NSRP1: variants seen among roughly 807,000 people sequenced by gnomAD.
NSRP1 encodes coiled-coil domain containing 55.
In NSRP1, 24 loss-of-function variants were observed where a neutral mutation model predicts 54.7. The ratio of observed to expected loss-of-function variants is 0.44; its 90% CI spans 0.32 to 0.62. The LOEUF (loss-of-function observed/expected upper bound fraction) is 0.62, where lower values mean the gene tolerates loss of function less well. Ranked by LOEUF, NSRP1 falls within the 20% of genes least tolerant of loss-of-function variation. The pLI, the probability that NSRP1 is intolerant of heterozygous loss-of-function variation, is 0.06. For missense variants in NSRP1, 596 were observed against 651.2 expected, an observed-to-expected ratio of 0.92 and a Z score of 0.92; for synonymous variants, 210 against 213.8, an observed-to-expected ratio of 0.98 and a Z score of 0.15.
At chr17:30,178,881 G>T (rs980638706) in intron 4 of NSRP1, among the ~76,000 whole-genome samples, 1 of 151,570 alleles carries the variant, frequency 6.6e-6, no homozygotes, top group Non-Finnish European at 1.5e-5. Flanking sequence ...AAGTTAAATC[G>T]CATTATAAAC....
chr17:30,185,284 AAAT>A lies in NSRP1; in HGVS notation c.1291_1293del (p.Asn431del), dbSNP rs1007098205. The A allele has an allele frequency of 3.7e-6, 6 of 1,603,382 alleles. No individual in the cohort carries two copies. The African/African-American group carries it at 6.8e-5, about 18-fold the overall frequency. Reference sequence around the variant, plus strand: ...TGAAAGTAAGGAAGGAAAGATATGAAAATAATGATAAATACAGAGATAGAGAAA... The same window carrying A: ...TGAAAGTAAGGAAGGAAAGATATGAAAATGATAAATACAGAGATAGAGAAA... On this transcript the variant is annotated inframe_deletion, in exon 7 of 7. Transcript: ENST00000247026.
At chr17:30,141,426 C>T (rs2071804069) in intron 2 of NSRP1, among the ~76,000 whole-genome samples, 1 of 152,016 alleles carries the variant, frequency 6.6e-6, no homozygotes, top group Non-Finnish European at 1.5e-5. Flanking sequence ...AAATATTTGG[C>T]CTTTTTCCTC....
intron 2 of NSRP1, among the ~76,000 whole-genome samples, chr17:30,169,261 C>T: frequency 6.6e-6 from 1 of 152,054 alleles, no homozygotes; most frequent in South Asian, 2.1e-4. Context: ...GAGAATCTTC[C>T]ATAACAACCA....
chr17:30,152,903 C>CTTTT (rs60246615), intron 2 of NSRP1, among the ~76,000 whole-genome samples: 23 of 46,922 alleles, frequency 4.9e-4, no homozygotes, highest in African/African-American at 8.3e-4. Context: ...TTATTTTCAG[C>CTTTT]TTTTTTTTTT....
chr17:30,171,142 T>A (rs538849344), intron 2 of NSRP1, among the ~76,000 whole-genome samples: 68 of 152,236 alleles, frequency 4.5e-4, no homozygotes, highest in African/African-American at 1.6e-3. Flanking sequence ...TTGCATTCTT[T>A]TACATTTTTA....
At position 30,159,985 on chromosome 17, in the gene NSRP1, G is replaced by C. The variant is rs1597612411; in HGVS notation, c.115-12557G>C. ...CCAAGGTATGTTTTTTCTGTGCCTA[G>C]TTTGTTGAACATTTTTATCATGAAG... On this transcript the variant is annotated intron_variant, in intron 2 of 6. Transcript: ENST00000247026. Among the ~76,000 whole-genome samples the C allele has an allele frequency of 2.6e-5, 4 of 152,152 alleles. No homozygotes were observed. In the South Asian group the frequency reaches 8.3e-4, roughly 32 times the overall value.
intron 2 of NSRP1, among the ~76,000 whole-genome samples, chr17:30,127,412 A>C (rs2071659933): frequency 6.6e-6 from 1 of 152,150 alleles, no homozygotes; most frequent in East Asian, 1.9e-4. Flanking sequence ...ATAGAATCTG[A>C]AAATTGTTGC....
intron 2 of NSRP1, among the ~76,000 whole-genome samples, chr17:30,138,639 T>C (rs531594491): frequency 5.3e-4 from 80 of 152,058 alleles, no homozygotes; most frequent in Non-Finnish European, 8.2e-4. Context: ...TGGATCCACA[T>C]AGATGGAACC....
At chr17:30,164,770 C>A (rs1904668959) in intron 2 of NSRP1, among the ~76,000 whole-genome samples, 1 of 152,096 alleles carries the variant, frequency 6.6e-6, no homozygotes, top group South Asian at 2.1e-4. Flanking sequence ...TGCGCTCCAG[C>A]CTGGACAACA....
chr17:30,168,335 T>C (rs1338935151), intron 2 of NSRP1: 1 of 152,068 alleles, frequency 6.6e-6, no homozygotes, highest in Non-Finnish European at 1.5e-5. Flanking sequence ...TTTAGATTAA[T>C]ATATTTCCTT....
chr17:30,166,520 A>T lies in NSRP1; in HGVS notation c.115-6022A>T, dbSNP rs114898603. On this transcript the variant is annotated intron_variant, in intron 2 of 6. Transcript: ENST00000247026. ...GTGTTAGTATTTGAAAAAATTTTATACAAGTTTATGGGATACCTGTGAGAT... is the reference window on the plus strand; with the variant it reads ...GTGTTAGTATTTGAAAAAATTTTATTCAAGTTTATGGGATACCTGTGAGAT... Among the ~76,000 whole-genome samples the T allele has an allele frequency of 4.1e-3, 618 of 152,350 alleles. 4 individuals are homozygous for T. Among genetic ancestry groups the T allele is most frequent in the African/African-American group, 0.014 (569 of 41,594 alleles).
intron 2 of NSRP1, among the ~76,000 whole-genome samples, chr17:30,169,332 T>G (rs1904843702): frequency 6.6e-6 from 1 of 151,994 alleles, no homozygotes; most frequent in Non-Finnish European, 1.5e-5. Flanking sequence ...TCTGACAGAT[T>G]AAAGGTGACA....
intron 1 of NSRP1, chr17:30,117,483 G>A (rs1034521416): frequency 4.7e-6 from 2 of 422,826 alleles, no homozygotes; most frequent in African/African-American, 4.1e-5. Context: ...AGAAACTAAA[G>A]GAGTTGGATC....
At chr17:30,125,609 G>A (rs943256176) in intron 2 of NSRP1, among the ~76,000 whole-genome samples, 2 of 152,084 alleles carry the variant, frequency 1.3e-5, no homozygotes, top group African/African-American at 4.8e-5. Context: ...GTGCAGTGGC[G>A]GCATCTCGGG....
At chr17:30,172,441 C>T (rs1350243089) in intron 2 of NSRP1, 101 bp from the exon 3 acceptor site, 5 of 796,484 alleles carry the variant, frequency 6.3e-6, no homozygotes, top group Non-Finnish European at 9.4e-6. Flanking sequence ...ATCTGAAATA[C>T]AAAACACTTC....
At chr17:30,153,867 C>T (rs2071936401) in intron 2 of NSRP1, among the ~76,000 whole-genome samples, 1 of 152,136 alleles carries the variant, frequency 6.6e-6, no homozygotes, top group African/African-American at 2.4e-5. Flanking sequence ...TCACATTAGC[C>T]ACATTTAATG....
chr17:30,183,737 T>C (rs1231806932), intron 6 of NSRP1, among the ~76,000 whole-genome samples: 1 of 152,164 alleles, frequency 6.6e-6, no homozygotes, highest in Non-Finnish European at 1.5e-5. Flanking sequence ...AATTTTAGTA[T>C]TGTTGATTCT....
intron 2 of NSRP1, among the ~76,000 whole-genome samples, chr17:30,166,834 G>A (rs1904745417): frequency 6.6e-6 from 1 of 152,144 alleles, no homozygotes; most frequent in African/African-American, 2.4e-5. Flanking sequence ...GCTGAGGCAG[G>A]AGAATCGCTT....
chr17:30,139,896 C>T (rs2071787609), intron 2 of NSRP1, among the ~76,000 whole-genome samples: 1 of 152,156 alleles, frequency 6.6e-6, no homozygotes, highest in South Asian at 2.1e-4. Context: ...TGGTGGCAGC[C>T]ACCTGTAGTC....
Sources: gnomAD v4.1 joint callset for allele counts (sites outside exome capture counted in the v4.1 genomes callset) on GRCh38, gnomAD v4.1.1 for gene constraint, MANE v1.5 for transcripts, NCBI Gene and HGNC (gene_info 2026-07-23, HGNC 2026-07-21) for gene names.